Variants in NRXN1 observed in about 807,000 individuals in gnomAD.
NRXN1 encodes neurexin 1, also known as neurexin-1.
In NRXN1, 39 loss-of-function variants were observed where a neutral mutation model predicts 150.9. The observed-to-expected ratio is 0.26, with a 90% CI of 0.20 to 0.34. The LOEUF is 0.34. Among genes scored for constraint, NRXN1 ranks in the 10% least tolerant of loss-of-function variants. The pLI is 1.00. For missense variants in NRXN1, 1,815 were observed against 1,949.9 expected (o/e 0.93, Z 1.30); for synonymous variants, 924 against 757.0 (o/e 1.22, Z -3.62).
At chr2:50,440,660 T>A (rs2085872630) in intron 17 of NRXN1, among the ~76,000 whole-genome samples, 1 of 152,092 alleles carries the variant, frequency 6.6e-6, no homozygotes, top group African/African-American at 2.4e-5. Flanking sequence ...CTTCCTCAGT[T>A]TTTTTGTTGC....
chr2:50,874,352 T>G lies in NRXN1; in HGVS notation c.832+47517A>C, dbSNP rs574311234. ...TCTTTGTCAGGTACTTGATACACTT[T>G]AGATTTAATCCTGACAACCACACTG... On this transcript the variant is annotated intron_variant, in intron 5 of 22. Coordinates refer to ENST00000401669, the MANE Select transcript of NRXN1 (RefSeq NM_001330078.2). Among the ~76,000 whole-genome samples the G allele has an allele frequency of 5.9e-5, 9 of 151,966 alleles. 1 individual carries two copies. Among genetic ancestry groups the G allele is most frequent in the African/African-American group, 2.2e-4 (9 of 41,518 alleles).
In NRXN1 at chr2:50,549,127, T is replaced by A. The variant is rs185248992; in HGVS notation, c.1759+3460A>T. Among the ~76,000 whole-genome samples the A allele has an allele frequency of 3.6e-3, 550 of 152,204 alleles. 4 individuals are homozygous for A. Among genetic ancestry groups the A allele is most frequent in the African/African-American group, 0.013 (527 of 41,540 alleles). ...GGTAAAATAAATTATTTCATGAAAT[T>A]TCCATGTTTCTTAGTTGTAAGTGAC... On this transcript the variant is annotated intron_variant, in intron 9 of 22. Coordinates refer to ENST00000401669, the MANE Select transcript of NRXN1 (RefSeq NM_001330078.2).
At chr2:50,277,391 T>TCCTTCCTTCCTTCCTTCCTCCCTC (rs746132392) in intron 17 of NRXN1, among the ~76,000 whole-genome samples, 5 of 78,498 alleles carry the variant, frequency 6.4e-5, no homozygotes, top group Non-Finnish European at 1.4e-4. Flanking sequence ...CGTCCTTCCT[T>TCCTTCCTTCCTTCCTTCCTCCCTC]CCTTCCTTCC....
chr2:50,360,149 A>G (rs1269047419), intron 17 of NRXN1, among the ~76,000 whole-genome samples: 1 of 152,198 alleles, frequency 6.6e-6, no homozygotes, highest in African/African-American at 2.4e-5. Flanking sequence ...AGTCACTGTA[A>G]TGTGAAAGAC....
chr2:50,167,518 G>T (rs80223674), intron 18 of NRXN1, among the ~76,000 whole-genome samples: 2,117 of 149,468 alleles, frequency 0.014, 46 homozygotes, highest in African/African-American at 0.05. Flanking sequence ...GCTCCAGTGA[G>T]AATTTAAAAA....
At chr2:49,984,396 G>A (rs1265382333) in intron 21 of NRXN1, among the ~76,000 whole-genome samples, 3 of 151,702 alleles carry the variant, frequency 2.0e-5, no homozygotes, top group East Asian at 3.9e-4. Context: ...ATCTGACGTC[G>A]TATAAACTAA....
At chr2:50,133,101 C>G (rs1276237843) in intron 18 of NRXN1, among the ~76,000 whole-genome samples, 1 of 152,068 alleles carries the variant, frequency 6.6e-6, no homozygotes, top group East Asian at 1.9e-4. Context: ...ATTCTAAAAG[C>G]AGTAATTTAG....
intron 13 of NRXN1, among the ~76,000 whole-genome samples, chr2:50,502,683 C>T (rs1038338031): frequency 1.4e-4 from 22 of 152,134 alleles, no homozygotes; most frequent in African/African-American, 3.1e-4. Context: ...GGAAAAATAA[C>T]GAAACAATGT....
chr2:50,732,468 C>T (rs764616908), intron 5 of NRXN1, among the ~76,000 whole-genome samples: 19 of 152,062 alleles, frequency 1.2e-4, no homozygotes, highest in Non-Finnish European at 2.5e-4. Context: ...CAAAGCAATG[C>T]GGTCTGTACT....
In NRXN1 at chr2:50,628,374, T is replaced by C. The variant is rs977497390; in HGVS notation, c.833-4759A>G. 4.0e-4 allele frequency among the ~76,000 whole-genome samples: 60 copies of C among 151,872 alleles called. 1 individual carries two copies. The highest frequency in any genetic ancestry group is 1.2e-3 in the African/African-American group (51 of 41,524). ...ATTTACATTAAAGGCAACCACATAG[T>C]TTTGGAAAAAATTCAGTCTGTGGAA... On this transcript the variant is annotated intron_variant, in intron 5 of 22. Transcript: ENST00000401669.
At chr2:50,847,601 G>C (rs1247839614) in intron 5 of NRXN1, among the ~76,000 whole-genome samples, 1 of 152,152 alleles carries the variant, frequency 6.6e-6, no homozygotes, top group East Asian at 1.9e-4. Context: ...GGCCCATCCT[G>C]GGCCTATAAA....
chr2:50,263,426 G>A (rs538925983), intron 17 of NRXN1, among the ~76,000 whole-genome samples: 6 of 151,966 alleles, frequency 3.9e-5, no homozygotes, highest in Non-Finnish European at 8.8e-5. Flanking sequence ...CTATTTGAGA[G>A]GTCCAAATGA....
At chr2:50,669,808 A>T (rs1338980406) in intron 5 of NRXN1, among the ~76,000 whole-genome samples, 1 of 150,784 alleles carries the variant, frequency 6.6e-6, no homozygotes, top group Admixed American at 6.6e-5. Context: ...TACTCAAAAT[A>T]AATAAATAAA....
intron 18 of NRXN1, among the ~76,000 whole-genome samples, chr2:50,178,013 T>C (rs2060459518): frequency 6.6e-6 from 1 of 152,122 alleles, no homozygotes; most frequent in African/African-American, 2.4e-5. Context: ...TCTTTAGGCC[T>C]CAGTTTCTCA....
intron 17 of NRXN1, among the ~76,000 whole-genome samples, chr2:50,355,171 G>A (rs1052481443): frequency 1.6e-4 from 24 of 151,034 alleles, no homozygotes; most frequent in African/African-American, 2.2e-4. Context: ...TTAATCATGC[G>A]ATTCAAATTG....
intron 5 of NRXN1, among the ~76,000 whole-genome samples, chr2:50,766,678 C>A (rs1459545673): frequency 6.6e-6 from 1 of 151,952 alleles, no homozygotes; most frequent in African/African-American, 2.4e-5. Context: ...CACAGCCGTG[C>A]AAATTTTAAG....
At chr2:50,878,178 A>T (rs1170548308) in intron 5 of NRXN1, among the ~76,000 whole-genome samples, 2 of 151,980 alleles carry the variant, frequency 1.3e-5, no homozygotes, top group Admixed American at 1.3e-4. Flanking sequence ...ACTGAAAATA[A>T]GAATTTAAAA....
intron 21 of NRXN1, among the ~76,000 whole-genome samples, chr2:49,991,102 C>T (rs1573263892): frequency 6.6e-6 from 1 of 152,072 alleles, no homozygotes; most frequent in East Asian, 1.9e-4. Flanking sequence ...AAAGAACATT[C>T]TTAAAAACTT....
At chr2:51,021,330 G>A (rs1304633617) in intron 2 of NRXN1, among the ~76,000 whole-genome samples, 2 of 151,886 alleles carry the variant, frequency 1.3e-5, no homozygotes. Flanking sequence ...AGTTAATTCT[G>A]CAACCAGTGT....
Sources: gnomAD v4.1 joint callset for allele counts (sites outside exome capture counted in the v4.1 genomes callset) on GRCh38, gnomAD v4.1.1 for gene constraint, MANE v1.5 for transcripts, NCBI Gene and HGNC (gene_info 2026-07-23, HGNC 2026-07-21) for gene names.